ZBTB20: variants seen among roughly 807,000 people sequenced by gnomAD.
The protein encoded by ZBTB20 is zinc finger and BTB domain containing 20, also known as zinc finger and BTB domain-containing protein 20.
In ZBTB20, 9 loss-of-function variants were observed where a neutral mutation model predicts 56.9. The observed-to-expected ratio is 0.16, with a 90% confidence interval of 0.10 to 0.28. The LOEUF (loss-of-function observed/expected upper bound fraction) is 0.28, where lower values mean the gene tolerates loss of function less well. Ranked by LOEUF, ZBTB20 falls within the 10% of genes least tolerant of loss-of-function variation. ZBTB20 has a pLI of 1.00. For missense variants in ZBTB20, 655 were observed against 1,003.0 expected (o/e 0.65, Z 4.69); for synonymous variants, 417 against 420.7 (o/e 0.99, Z 0.11).
At chr3:114,847,059 A>T (rs1238968455) in intron 4 of ZBTB20, among the ~76,000 whole-genome samples, 2 of 152,276 alleles carry the variant, frequency 1.3e-5, no homozygotes, top group East Asian at 3.9e-4. Flanking sequence ...GTGATCTGAG[A>T]GAGGAGAAGT....
intron 4 of ZBTB20, among the ~76,000 whole-genome samples, chr3:114,830,824 T>C (rs1021480503): frequency 2.6e-5 from 4 of 151,962 alleles, no homozygotes; most frequent in Non-Finnish European, 5.9e-5. Flanking sequence ...CTGACCTAAC[T>C]GAGCATAATT....
intron 4 of ZBTB20, among the ~76,000 whole-genome samples, chr3:114,812,161 A>C (rs576282493): frequency 8.5e-5 from 13 of 152,268 alleles, no homozygotes; most frequent in African/African-American, 2.9e-4. Flanking sequence ...AGTGGACCCC[A>C]GCCGGTTGCC....
At chr3:114,696,113 C>A (rs1204475620) in intron 5 of ZBTB20, among the ~76,000 whole-genome samples, 1 of 152,008 alleles carries the variant, frequency 6.6e-6, no homozygotes, top group Non-Finnish European at 1.5e-5. Context: ...ATCTCGATCA[C>A]CCAGTTGTTA....
chr3:115,055,938 A>T (rs1293936692), intron 2 of ZBTB20, among the ~76,000 whole-genome samples: 1 of 152,164 alleles, frequency 6.6e-6, no homozygotes, highest in Non-Finnish European at 1.5e-5. Flanking sequence ...GGCATAATCC[A>T]AGGTAAAGAC....
chr3:114,452,313 A>T (rs1223436250), intron 7 of ZBTB20, among the ~76,000 whole-genome samples: 6 of 152,194 alleles, frequency 3.9e-5, no homozygotes, highest in Admixed American at 2.6e-4. Context: ...AAAAAATTCT[A>T]CAAAAATACA....
chr3:114,380,882 T>A lies in ZBTB20; in HGVS notation c.-95A>T. 8.5e-7 allele frequency: 1 copy of A among 1,176,808 alleles called. No individual in the cohort carries two copies. The highest frequency in any genetic ancestry group is 1.1e-6 in the Non-Finnish European group (1 of 890,212). The allele number at this position is 1,176,808 out of a possible 1,614,324, so 72.9% of individuals were successfully genotyped here. ...TGAGCTACCGTACTAGCTGTGCCTC[T>A]AACTTGCTGTGTGGCCTTGGGCACC... On this transcript the variant is annotated 5_prime_UTR_variant, in exon 9 of 12. Coordinates refer to ENST00000675478, the MANE Select transcript of ZBTB20 (RefSeq NM_001348800.3).
Position 114,859,572 on chromosome 3 carries a change from G to GTTTTT in ZBTB20, c.-417+40727_-417+40731dup, listed in dbSNP as rs59741665. 2.4e-4 allele frequency among the ~76,000 whole-genome samples: 28 copies of GTTTTT among 116,602 alleles called. 2 individuals are homozygous for GTTTTT. The highest frequency in any genetic ancestry group is 7.7e-4 in the African/African-American group (25 of 32,426). The allele number at this position is 116,602 out of a possible 152,430, so 76.5% of individuals were successfully genotyped here. A position where few individuals can be genotyped will look rare whatever the true frequency, so the allele number is the denominator to read the frequency against. ...GGAAATTTAGATAACTTCTTATGGC[G>GTTTTT]TTTTTTTTTTTTTTTTTTGAGTTTA... On this transcript the variant is annotated intron_variant, in intron 4 of 11. Transcript: ENST00000675478.
Position 114,334,874 on chromosome 3 carries a change from G to T in ZBTB20, c.*4131C>A, listed in dbSNP as rs1466715972. ...ATACAGGAAACCATTTTGATACAGA[G>T]ATTTTCATTTCAGATTTTTTTTCTT... On this transcript the variant is annotated 3_prime_UTR_variant, in exon 12 of 12. Coordinates refer to ENST00000675478, the MANE Select transcript of ZBTB20 (RefSeq NM_001348800.3). The T allele has an allele frequency of 6.6e-6, 1 of 152,146 alleles. No homozygotes were observed. Among genetic ancestry groups the T allele is most frequent in the African/African-American group, 2.4e-5 (1 of 41,440 alleles). 9.4% of individuals were successfully genotyped at this position (152,146 alleles called of 1,614,324 possible). A position where few individuals can be genotyped will look rare whatever the true frequency, so the allele number is the denominator to read the frequency against.
At chr3:114,611,174 T>C (rs1222446345) in intron 6 of ZBTB20, among the ~76,000 whole-genome samples, 1 of 152,174 alleles carries the variant, frequency 6.6e-6, no homozygotes, top group Non-Finnish European at 1.5e-5. Context: ...GGTTTCTTTT[T>C]GGTGCTGATT....
chr3:114,361,966 C>T (rs1351549045), intron 10 of ZBTB20, among the ~76,000 whole-genome samples: 1 of 152,160 alleles, frequency 6.6e-6, no homozygotes, highest in African/African-American at 2.4e-5. Flanking sequence ...TCAATGGCAT[C>T]TTTGTGGGGT....
At chr3:115,032,595 A>G (rs1017002334) in intron 2 of ZBTB20, among the ~76,000 whole-genome samples, 1 of 151,474 alleles carries the variant, frequency 6.6e-6, no homozygotes, top group Non-Finnish European at 1.5e-5. Context: ...AATCTTCTCA[A>G]GTGTATGTAA....
At chr3:114,788,436 C>T (rs1375645379) in intron 5 of ZBTB20, among the ~76,000 whole-genome samples, 1 of 152,166 alleles carries the variant, frequency 6.6e-6, no homozygotes, top group Non-Finnish European at 1.5e-5. Flanking sequence ...TAGGTACTTA[C>T]TCGGCACAAT....
intron 2 of ZBTB20, among the ~76,000 whole-genome samples, chr3:115,021,778 G>T (rs1160401605): frequency 6.6e-6 from 1 of 150,542 alleles, no homozygotes; most frequent in African/African-American, 2.4e-5. Context: ...TGTAACAATG[G>T]AAATGTTTGT....
chr3:114,409,901 C>T (rs1178116404), intron 7 of ZBTB20, among the ~76,000 whole-genome samples: 1 of 152,064 alleles, frequency 6.6e-6, no homozygotes, highest in Non-Finnish European at 1.5e-5. Context: ...GAAAATAGGA[C>T]TTTTATATAG....
chr3:114,431,469 C>T (rs184335459), intron 7 of ZBTB20, among the ~76,000 whole-genome samples: 107 of 152,280 alleles, frequency 7.0e-4, no homozygotes, highest in Middle Eastern at 3.4e-3. Flanking sequence ...AAGGTGCATT[C>T]TAAGATTAAA....
At chr3:114,709,558 A>C (rs1357516086) in intron 5 of ZBTB20, among the ~76,000 whole-genome samples, 1 of 152,130 alleles carries the variant, frequency 6.6e-6, no homozygotes, top group Non-Finnish European at 1.5e-5. Context: ...CTCACACAGG[A>C]CTATTAATTC....
intron 7 of ZBTB20, among the ~76,000 whole-genome samples, chr3:114,406,742 T>A (rs1345704178): frequency 2.0e-5 from 3 of 152,126 alleles, no homozygotes; most frequent in South Asian, 4.1e-4. Flanking sequence ...GAGTCACTAC[T>A]ACAAAACAAT....
intron 6 of ZBTB20, among the ~76,000 whole-genome samples, chr3:114,584,031 G>A (rs767115248): frequency 6.6e-6 from 1 of 152,130 alleles, no homozygotes; most frequent in Non-Finnish European, 1.5e-5. Flanking sequence ...GTCATAGCTT[G>A]ATCATCAAAC....
At chr3:114,628,735 C>A (rs183876716) in intron 6 of ZBTB20, among the ~76,000 whole-genome samples, 31 of 152,232 alleles carry the variant, frequency 2.0e-4, no homozygotes, top group African/African-American at 7.2e-4. Context: ...TTCAGCATTT[C>A]TTTTAACAGG....
Sources: gnomAD v4.1 joint callset for allele counts (sites outside exome capture counted in the v4.1 genomes callset) on GRCh38, gnomAD v4.1.1 for gene constraint, MANE v1.5 for transcripts, NCBI Gene and HGNC (gene_info 2026-07-23, HGNC 2026-07-21) for gene names.